Variants in ARNT2 observed in about 807,000 individuals in gnomAD.
ARNT2 encodes aryl hydrocarbon receptor nuclear translocator 2.
A neutral mutation model predicts 91.7 loss-of-function variants in ARNT2; 36 were observed. The observed-to-expected ratio is 0.39, with a 90% CI of 0.30 to 0.52. The LOEUF is 0.52. ARNT2 is among the 20% of genes least tolerant of loss of function. The pLI is 0.72. For missense variants in ARNT2, 775 were observed against 939.3 expected (o/e 0.83, Z 2.29); for synonymous variants, 365 against 347.1 (o/e 1.05, Z -0.57).
Position 80,438,299 on chromosome 15 carries a change from G to A in ARNT2, c.32-12581G>A, listed in dbSNP as rs537061760. Among the ~76,000 whole-genome samples, 6 of 152,288 alleles carry A rather than the reference G, an allele frequency of 3.9e-5. No individual in the cohort carries two copies. In the South Asian group the frequency reaches 1.0e-3, roughly 26 times the overall value. ...TGAGTTTGGTGGAGGAATGAACTAC[G>A]TTGGTTTTGTTAATTATGTCTGCAT... is the stretch of plus-strand genomic sequence containing the variant. On this transcript the variant is annotated intron_variant, in intron 1 of 18. Transcript: ENST00000303329.
chr15:80,582,071 C>T (rs1012733196), intron 17 of ARNT2, among the ~76,000 whole-genome samples: 1 of 152,206 alleles, frequency 6.6e-6, no homozygotes, highest in Non-Finnish European at 1.5e-5. Flanking sequence ...CCCAGCAGTG[C>T]GGCTCATAGA....
At chr15:80,517,582 A>C (rs888463163) in intron 8 of ARNT2, among the ~76,000 whole-genome samples, 2 of 149,382 alleles carry the variant, frequency 1.3e-5, no homozygotes, top group Non-Finnish European at 3.0e-5. Context: ...TATTCCAATT[A>C]CACAGATATA....
chr15:80,443,178 C>T (rs916359916), intron 1 of ARNT2, among the ~76,000 whole-genome samples: 1 of 152,144 alleles, frequency 6.6e-6, no homozygotes, highest in African/African-American at 2.4e-5. Context: ...GCTTTCTTGC[C>T]AGAGGACATA....
chr15:80,540,564 A>G (rs1897889313), intron 8 of ARNT2, among the ~76,000 whole-genome samples: 1 of 152,116 alleles, frequency 6.6e-6, no homozygotes, highest in South Asian at 2.1e-4. Flanking sequence ...TATATTGCTG[A>G]TGCTGAGGTT....
At position 80,573,777 on chromosome 15, in the gene ARNT2, A is replaced by C. The variant is rs74382125; in HGVS notation, c.1317-371A>C. Among the ~76,000 whole-genome samples, 1,109 of 152,344 alleles carry C rather than the reference A, an allele frequency of 7.3e-3. 20 individuals are homozygous for C. Among genetic ancestry groups the C allele is most frequent in the African/African-American group, 0.026 (1,075 of 41,572 alleles). ...GCATAGTGTGAGGATTGGATGAGAT[A>C]ATGTAAACACCCGCCCGTTTATGGC... On this transcript the variant is annotated intron_variant, in intron 12 of 18. Transcript: ENST00000303329.
At chr15:80,513,359 C>T (rs745498858) in intron 6 of ARNT2, among the ~76,000 whole-genome samples, 14 of 152,220 alleles carry the variant, frequency 9.2e-5, no homozygotes, top group Admixed American at 6.5e-5. Flanking sequence ...CTCATCCCCA[C>T]GCTCTCCTCT....
chr15:80,552,901 G>A lies in ARNT2; in HGVS notation c.1089+127G>A. ...AACATCATAAAGACCCATATACCCT[G>A]CCTAGATAGAACGATAGATATCCTT... On this transcript the variant is annotated intron_variant, in intron 10 of 18. Coordinates refer to ENST00000303329, the MANE Select transcript of ARNT2 (RefSeq NM_014862.4). The A allele has an allele frequency of 2.5e-6, 3 of 1,189,764 alleles. No individual in the cohort carries two copies. In the Middle Eastern group the frequency reaches 6.5e-4, roughly 257 times the overall value. The allele number at this position is 1,189,764 out of a possible 1,614,324, so 73.7% of individuals were successfully genotyped here.
At chr15:80,483,229 T>C (rs915681229) in intron 5 of ARNT2, among the ~76,000 whole-genome samples, 2 of 152,220 alleles carry the variant, frequency 1.3e-5, no homozygotes, top group African/African-American at 4.8e-5. Context: ...TTTAATAGGA[T>C]TCCCGAGGAA....
chr15:80,523,076 T>G lies in ARNT2; in HGVS notation c.877+8671T>G, dbSNP rs115392498. On this transcript the variant is annotated intron_variant, in intron 8 of 18. Transcript: ENST00000303329. The stretch of plus-strand genomic sequence containing the variant: ...AGTGAATGTTTTAACCAGGTGCAAT[T>G]CAGTAATGTCATGGGGCTCCTTGTC... 5.6e-3 allele frequency among the ~76,000 whole-genome samples: 852 copies of G among 152,168 alleles called. 14 individuals carry two copies. The highest frequency in any genetic ancestry group is 0.019 in the African/African-American group (787 of 41,488).
rs182964683 is a variant in ARNT2 at position 80,597,600 on chromosome 15, G to A, written c.*3902G>A. The A allele has an allele frequency of 0.011, 1,988 of 185,628 alleles. 33 individuals carry two copies. The highest frequency in any genetic ancestry group is 0.045 in the African/African-American group (1,903 of 42,534). The allele number at this position is 185,628 out of a possible 1,614,324, so 11.5% of individuals were successfully genotyped here. On this transcript the variant is annotated 3_prime_UTR_variant, in exon 19 of 19. Coordinates refer to ENST00000303329, the MANE Select transcript of ARNT2 (RefSeq NM_014862.4). ...AAAGCTAGTGTTATGGTCAACAACA[G>A]GCCAGGGTCTGTGGGGCACTGACCT...
At chr15:80,409,614 G>A (rs1190476703) in intron 1 of ARNT2, among the ~76,000 whole-genome samples, 2 of 152,158 alleles carry the variant, frequency 1.3e-5, no homozygotes, top group African/African-American at 4.8e-5. Flanking sequence ...AGCAAATTAG[G>A]TATAACTCCT....
At chr15:80,415,838 T>A (rs1390784192) in intron 1 of ARNT2, among the ~76,000 whole-genome samples, 1 of 152,152 alleles carries the variant, frequency 6.6e-6, no homozygotes, top group African/African-American at 2.4e-5. Context: ...GAGATCCAGA[T>A]ATTTTGGGCT....
chr15:80,486,654 G>A (rs970436386), intron 5 of ARNT2, among the ~76,000 whole-genome samples: 2 of 152,202 alleles, frequency 1.3e-5, no homozygotes, highest in African/African-American at 2.4e-5. Context: ...ATTCACTGAT[G>A]GATCCCTTTG....
chr15:80,559,833 C>T (rs1463161488), intron 11 of ARNT2, among the ~76,000 whole-genome samples: 5 of 152,210 alleles, frequency 3.3e-5, no homozygotes, highest in African/African-American at 9.7e-5. Context: ...CAGGCTAAGC[C>T]GGGTTTTACG....
chr15:80,417,722 T>C (rs1895807294), intron 1 of ARNT2, among the ~76,000 whole-genome samples: 1 of 152,044 alleles, frequency 6.6e-6, no homozygotes, highest in Non-Finnish European at 1.5e-5. Flanking sequence ...AAATGTTTGG[T>C]CTACCCAGTA....
At chr15:80,498,606 A>T (rs1039400365) in intron 5 of ARNT2, among the ~76,000 whole-genome samples, 11 of 152,244 alleles carry the variant, frequency 7.2e-5, no homozygotes, top group African/African-American at 2.7e-4. Flanking sequence ...CCAAATATGG[A>T]TGCAAACCCA....
chr15:80,579,170 ATCAG>A (rs1196456324), intron 15 of ARNT2, among the ~76,000 whole-genome samples: 4 of 152,194 alleles, frequency 2.6e-5, no homozygotes, highest in African/African-American at 7.2e-5. Context: ...AGCGGCCCTC[ATCAG>A]TCAGTGTTTT....
intron 12 of ARNT2, among the ~76,000 whole-genome samples, chr15:80,569,653 C>G (rs1183974305): frequency 6.6e-6 from 1 of 152,236 alleles, no homozygotes; most frequent in Non-Finnish European, 1.5e-5. Context: ...CCTAATTTTT[C>G]TGCTTCCCAG....
chr15:80,489,104 C>G (rs1252613629), intron 5 of ARNT2, among the ~76,000 whole-genome samples: 1 of 152,232 alleles, frequency 6.6e-6, no homozygotes, highest in Non-Finnish European at 1.5e-5. Flanking sequence ...CAGTAATCAT[C>G]TCACGTGATA....
Sources: allele counts gnomAD v4.1 joint callset (sites outside exome capture counted in the v4.1 genomes callset), GRCh38; gene constraint gnomAD v4.1.1; transcripts MANE v1.5; gene names NCBI Gene and HGNC (gene_info 2026-07-23, HGNC 2026-07-21).